Variants in RETREG1 observed in about 807,000 individuals in gnomAD.
RETREG1 encodes reticulophagy regulator 1.
Under a neutral mutation model 54.8 loss-of-function variants are expected in RETREG1, and 44 were observed. The ratio of observed to expected loss-of-function variants is 0.80; its 90% CI spans 0.63 to 1.03. The LOEUF (loss-of-function observed/expected upper bound fraction) is 1.03. Ranked by LOEUF, RETREG1 falls within the 50% of genes least tolerant of loss-of-function variation. RETREG1 has a pLI of 0.00. For missense variants in RETREG1, 554 were observed against 605.1 expected, an observed-to-expected ratio of 0.92 and a Z score of 0.89; for synonymous variants, 217 against 238.5, an observed-to-expected ratio of 0.91 and a Z score of 0.83.
intron 3 of RETREG1, among the ~76,000 whole-genome samples, chr5:16,494,139 G>GT (rs751922500): frequency 6.6e-6 from 1 of 152,150 alleles, no homozygotes; most frequent in Admixed American, 6.5e-5. Context: ...ACCCTTATCA[G>GT]TCACAGAAAA....
chr5:16,542,684 G>A (rs146557395), intron 3 of RETREG1, among the ~76,000 whole-genome samples: 1,880 of 152,228 alleles, frequency 0.012, 50 homozygotes, highest in African/African-American at 0.042. Flanking sequence ...AAGTCAAAGG[G>A]GATGTCTCAG....
At chr5:16,576,648 G>A (rs936290042) in intron 1 of RETREG1, among the ~76,000 whole-genome samples, 2 of 152,142 alleles carry the variant, frequency 1.3e-5, no homozygotes, top group African/African-American at 4.8e-5. Context: ...AACACGCCCG[G>A]CTAATTTTGT....
At chr5:16,479,064 A>G in intron 5 of RETREG1, 77 bp from the exon 6 acceptor site, 3 of 1,397,512 alleles carry the variant, frequency 2.1e-6, no homozygotes, top group Non-Finnish European at 3.0e-6. Context: ...TTCACAAAAT[A>G]CTACATTTCT....
At chr5:16,514,378 C>T (rs892282178) in intron 3 of RETREG1, among the ~76,000 whole-genome samples, 1 of 152,210 alleles carries the variant, frequency 6.6e-6, no homozygotes, top group East Asian at 1.9e-4. Flanking sequence ...TGGTTCTCAG[C>T]ACCACCTCAC....
chr5:16,493,160 C>T (rs375444098), intron 3 of RETREG1, among the ~76,000 whole-genome samples: 1 of 152,158 alleles, frequency 6.6e-6, no homozygotes, highest in African/African-American at 2.4e-5. Context: ...CTTTCCACCT[C>T]CTATCTCAAA....
At chr5:16,613,164 C>T (rs763784565) in intron 1 of RETREG1, among the ~76,000 whole-genome samples, 5 of 152,092 alleles carry the variant, frequency 3.3e-5, no homozygotes, top group Non-Finnish European at 7.4e-5. Flanking sequence ...GCATCTGAGG[C>T]AACTACTGCC....
intron 1 of RETREG1, among the ~76,000 whole-genome samples, chr5:16,584,690 T>A (rs1470453168): frequency 6.6e-6 from 1 of 152,214 alleles, no homozygotes; most frequent in African/African-American, 2.4e-5. Context: ...CCTGGCCTTT[T>A]ATGCAGATTC....
Position 16,488,003 on chromosome 5 carries a change from T to C in RETREG1, c.459-4531A>G, listed in dbSNP as rs79792078. On this transcript the variant is annotated intron_variant, in intron 3 of 8. Coordinates refer to ENST00000306320, the MANE Select transcript of RETREG1 (RefSeq NM_001034850.3). ...CCCAGGGCACTGTTTAAGCAGCAGCTGTGTGGGCCTTACTGAAGAGATGGA... is the reference window on the plus strand; with the variant it reads ...CCCAGGGCACTGTTTAAGCAGCAGCCGTGTGGGCCTTACTGAAGAGATGGA... Among the ~76,000 whole-genome samples the C allele has an allele frequency of 7.3e-3, 1,119 of 152,338 alleles. 15 individuals carry two copies. The highest frequency in any genetic ancestry group is 0.026 in the African/African-American group (1,062 of 41,582).
chr5:16,550,192 G>T (rs997410812), intron 3 of RETREG1, among the ~76,000 whole-genome samples: 5 of 151,498 alleles, frequency 3.3e-5, no homozygotes, highest in Non-Finnish European at 2.9e-5. Flanking sequence ...ACTACACCAT[G>T]TATCTTTTCC....
Position 16,608,002 on chromosome 5 carries a change from C to T in RETREG1, c.320+8650G>A, listed in dbSNP as rs192581818. On this transcript the variant is annotated intron_variant, in intron 1 of 8. Transcript: ENST00000306320. Reference sequence around the variant, plus strand: ...TCAAGTGAATCTCCTGCCCCAGCCTCCCAAGTAACTGGGATTACAGGCGCA... The same window carrying T: ...TCAAGTGAATCTCCTGCCCCAGCCTTCCAAGTAACTGGGATTACAGGCGCA... Among the ~76,000 whole-genome samples the T allele has an allele frequency of 5.2e-3, 784 of 152,224 alleles. 3 individuals are homozygous for T. Among genetic ancestry groups the T allele is most frequent in the African/African-American group, 0.018 (737 of 41,530 alleles).
chr5:16,583,446 T>A (rs1025238234), intron 1 of RETREG1, among the ~76,000 whole-genome samples: 1 of 152,066 alleles, frequency 6.6e-6, no homozygotes, highest in Non-Finnish European at 1.5e-5. Context: ...TGAGTGAAGA[T>A]CACGCCAGTG....
In RETREG1 at chr5:16,538,140, G is replaced by A. The variant is rs939002304; in HGVS notation, c.458+27623C>T. 3.3e-5 allele frequency among the ~76,000 whole-genome samples: 5 copies of A among 152,210 alleles called. No individual in the cohort carries two copies. The East Asian group carries it at 9.7e-4, about 29-fold the overall frequency. ...AGCCCTCAGTCTTGGAAGAGACTCC[G>A]AAATCTGACTCCCCACCGGACCCCA... On this transcript the variant is annotated intron_variant, in intron 3 of 8. Transcript: ENST00000306320.
chr5:16,581,030 G>A lies in RETREG1; in HGVS notation c.321-8928C>T, dbSNP rs562806155. Among the ~76,000 whole-genome samples, 38 of 152,188 alleles carry A rather than the reference G, an allele frequency of 2.5e-4. 1 individual carries two copies. The highest frequency in any genetic ancestry group is 4.9e-4 in the Non-Finnish European group (33 of 68,038). ...TCACCACCTGCCTGGCAGCTGCAGG[G>A]CACACAGCCCCTCATGTTCAGGCCT... On this transcript the variant is annotated intron_variant, in intron 1 of 8. Transcript: ENST00000306320.
At chr5:16,587,710 G>T (rs1468081406) in intron 1 of RETREG1, among the ~76,000 whole-genome samples, 1 of 152,206 alleles carries the variant, frequency 6.6e-6, no homozygotes, top group Non-Finnish European at 1.5e-5. Context: ...AGCTGTAGAA[G>T]ATGATTTTGC....
Position 16,474,612 on chromosome 5 carries a change from A to G in RETREG1, c.*129T>C. The G allele has an allele frequency of 8.6e-7, 1 of 1,161,302 alleles. No homozygotes were observed. Among genetic ancestry groups the G allele is most frequent in the Non-Finnish European group, 1.2e-6 (1 of 823,528 alleles). 71.9% of individuals were successfully genotyped at this position (1,161,302 alleles called of 1,614,324 possible). A position where few individuals can be genotyped will look rare whatever the true frequency, so the allele number is the denominator to read the frequency against. ...ATCCAATTAATTCACTGCAGGAGGG[A>G]AAATAAAACAAATCTAAAGTAATCA... is the stretch of plus-strand genomic sequence containing the variant. On this transcript the variant is annotated 3_prime_UTR_variant, in exon 9 of 9. Transcript: ENST00000306320.
chr5:16,501,256 G>A (rs774906700), intron 3 of RETREG1, among the ~76,000 whole-genome samples: 1 of 152,168 alleles, frequency 6.6e-6, no homozygotes, highest in Non-Finnish European at 1.5e-5. Context: ...ATGAAATTCA[G>A]AGAGATTAAG....
intron 3 of RETREG1, among the ~76,000 whole-genome samples, chr5:16,486,913 C>T (rs1339942224): frequency 6.6e-6 from 1 of 152,064 alleles, no homozygotes; most frequent in Non-Finnish European, 1.5e-5. Context: ...GTGTCATCTG[C>T]ACACACACAC....
At chr5:16,609,232 G>GCCTCCTGTTT (rs1468147798) in intron 1 of RETREG1, among the ~76,000 whole-genome samples, 2 of 152,048 alleles carry the variant, frequency 1.3e-5, no homozygotes, top group Non-Finnish European at 2.9e-5. Context: ...TTTTTTCTGG[G>GCCTCCTGTTT]CCTCCTGTTT....
At chr5:16,475,820 A>G (rs1738514712) in intron 8 of RETREG1, among the ~76,000 whole-genome samples, 1 of 152,192 alleles carries the variant, frequency 6.6e-6, no homozygotes, top group African/African-American at 2.4e-5. Context: ...TATAGCTGAA[A>G]CTGACCATAC....
Sources: allele counts gnomAD v4.1 joint callset (sites outside exome capture counted in the v4.1 genomes callset), GRCh38; gene constraint gnomAD v4.1.1; transcripts MANE v1.5; gene names NCBI Gene and HGNC (gene_info 2026-07-23, HGNC 2026-07-21).